KIRREL3: variants seen among roughly 807,000 people sequenced by gnomAD.
KIRREL3 encodes kin of IRRE-like protein 3.
A neutral mutation model predicts 89.7 loss-of-function variants in KIRREL3; 36 were observed. The observed-to-expected ratio is 0.40, with a 90% confidence interval of 0.31 to 0.53. The LOEUF (loss-of-function observed/expected upper bound fraction) is 0.53, where lower values mean the gene tolerates loss of function less well. KIRREL3 is among the 20% of genes least tolerant of loss of function. KIRREL3 has a pLI of 0.49. For missense variants in KIRREL3, 864 were observed against 1,056.6 expected (o/e 0.82, Z 2.53); for synonymous variants, 445 against 441.4 (o/e 1.01, Z -0.10).
intron 1 of KIRREL3, among the ~76,000 whole-genome samples, chr11:126,945,501 T>C (rs1948597015): frequency 6.6e-6 from 1 of 152,210 alleles, no homozygotes; most frequent in African/African-American, 2.4e-5. Flanking sequence ...CATTTAAATC[T>C]ATGCTTGCAA....
chr11:126,710,865 T>C lies in KIRREL3; in HGVS notation c.56-147953A>G, dbSNP rs1158306953. On this transcript the variant is annotated intron_variant, in intron 1 of 16. Coordinates refer to ENST00000525144, the MANE Select transcript of KIRREL3 (RefSeq NM_032531.4). The surrounding 1 kb of genome is among the most constrained non-coding windows in gnomAD (Gnocchi z 4.2). ...GTTGCTAAAACTCAGTAAATATCAT[T>C]TTAATAATTAATTAAACTTTAATTA... Among the ~76,000 whole-genome samples, 1 of 152,200 alleles carries C rather than the reference T, an allele frequency of 6.6e-6. No individual in the cohort carries two copies. Among genetic ancestry groups the C allele is most frequent in the East Asian group, 1.9e-4 (1 of 5,190 alleles).
chr11:126,473,042 C>T (rs1189658268), intron 5 of KIRREL3, among the ~76,000 whole-genome samples: 1 of 79,670 alleles, frequency 1.3e-5, no homozygotes, highest in Non-Finnish European at 2.3e-5. Context: ...TCTACCTAAC[C>T]CCCCCAGCCC....
rs1949013132 is a variant in KIRREL3 at position 126,742,395 on chromosome 11, C to T, written c.56-179483G>A. Among the ~76,000 whole-genome samples the T allele has an allele frequency of 6.6e-6, 1 of 152,110 alleles. No individual in the cohort carries two copies. The highest frequency in any genetic ancestry group is 6.5e-5 in the Admixed American group (1 of 15,276). The stretch of plus-strand genomic sequence containing the variant: ...CTTGTGGTTCTAATTTATTTTCATG[C>T]CTCAGTGAGCTGGACTGATAATATG... On this transcript the variant is annotated intron_variant, in intron 1 of 16. Coordinates refer to ENST00000525144, the MANE Select transcript of KIRREL3 (RefSeq NM_032531.4). The surrounding 1 kb of genome is among the most constrained non-coding windows in gnomAD (Gnocchi z 5.3).
intron 1 of KIRREL3, among the ~76,000 whole-genome samples, chr11:126,956,492 T>C (rs1288065683): frequency 2.6e-5 from 4 of 152,190 alleles, no homozygotes; most frequent in African/African-American, 9.6e-5. Context: ...AATTAGCAAC[T>C]GTGCTTACTG....
In KIRREL3 at chr11:126,736,913, G is replaced by C. The variant is rs1009680266; in HGVS notation, c.56-174001C>G. Among the ~76,000 whole-genome samples the C allele has an allele frequency of 6.6e-6, 1 of 152,200 alleles. No homozygotes were observed. The highest frequency in any genetic ancestry group is 1.5e-5 in the Non-Finnish European group (1 of 68,038). On this transcript the variant is annotated intron_variant, in intron 1 of 16. Coordinates refer to ENST00000525144, the MANE Select transcript of KIRREL3 (RefSeq NM_032531.4). The surrounding 1 kb of genome is among the most constrained non-coding windows in gnomAD (Gnocchi z 5.0). ...CCCCAGACTGGCTGTCACAAGCATGGTGTGGAAAGGTCCTACTTAGTTTTC... is the reference window on the plus strand; with the variant it reads ...CCCCAGACTGGCTGTCACAAGCATGCTGTGGAAAGGTCCTACTTAGTTTTC...
chr11:126,606,927 C>T lies in KIRREL3; in HGVS notation c.56-44015G>A, dbSNP rs1014243934. On this transcript the variant is annotated intron_variant, in intron 1 of 16. Transcript: ENST00000525144. This position sits in a 1 kb window ranked among gnomAD's most constrained non-coding sequence, Gnocchi z 4.6. ...GAGAAGCTCAGATGATGGGAAGGGG[C>T]GGGGGTGGCCAGGCAGTGCTTTCTA... is the stretch of plus-strand genomic sequence containing the variant. Among the ~76,000 whole-genome samples the T allele has an allele frequency of 1.3e-5, 2 of 148,864 alleles. No individual in the cohort carries two copies. The highest frequency in any genetic ancestry group is 6.7e-5 in the Admixed American group (1 of 14,826).
At position 126,644,829 on chromosome 11, in the gene KIRREL3, A is replaced by T. The variant is rs141580868; in HGVS notation, c.56-81917T>A. ...ATCTATGGAACAAATAATAATCTAT[A>T]GATGTACAAAGCTAGCAAATATTTT... On this transcript the variant is annotated intron_variant, in intron 1 of 16. Transcript: ENST00000525144. Among the ~76,000 whole-genome samples, 149 of 152,356 alleles carry T rather than the reference A, an allele frequency of 9.8e-4. 1 individual carries two copies. Among genetic ancestry groups the T allele is most frequent in the African/African-American group, 3.5e-3 (144 of 41,586 alleles).
At chr11:126,493,452 G>C (rs1256715831) in intron 4 of KIRREL3, among the ~76,000 whole-genome samples, 2 of 151,830 alleles carry the variant, frequency 1.3e-5, no homozygotes, top group African/African-American at 4.8e-5. Context: ...TCAGGAGATC[G>C]AGACCACCCT....
chr11:126,679,435 A>G (rs1946352505), intron 1 of KIRREL3, among the ~76,000 whole-genome samples: 1 of 152,214 alleles, frequency 6.6e-6, no homozygotes, highest in Non-Finnish European at 1.5e-5. Context: ...TTCATTTTGA[A>G]GCTTCAAAAC....
In KIRREL3 at chr11:126,795,175, A is replaced by C. The variant is rs796407301; in HGVS notation, c.55+205280T>G. ...TGTAATGGTGGATACATGTCATCAC[A>C]CATTTGGCCAAGCCCATAGAGTGTA... On this transcript the variant is annotated intron_variant, in intron 1 of 16. Coordinates refer to ENST00000525144, the MANE Select transcript of KIRREL3 (RefSeq NM_032531.4). The surrounding 1 kb of genome is among the most constrained non-coding windows in gnomAD (Gnocchi z 4.1). Among the ~76,000 whole-genome samples, 1 of 152,204 alleles carries C rather than the reference A, an allele frequency of 6.6e-6. No homozygotes were observed.
At position 126,615,128 on chromosome 11, in the gene KIRREL3, T is replaced by G. The variant is rs924105686; in HGVS notation, c.56-52216A>C. 1.3e-5 allele frequency among the ~76,000 whole-genome samples: 2 copies of G among 152,078 alleles called. No homozygotes were observed. The highest frequency in any genetic ancestry group is 2.9e-5 in the Non-Finnish European group (2 of 68,010). ...AGAGAGTCAGGGAAAGACATTTTGG[T>G]GCATTATGAGGAAGAATTGTAATGT... On this transcript the variant is annotated intron_variant, in intron 1 of 16. Coordinates refer to ENST00000525144, the MANE Select transcript of KIRREL3 (RefSeq NM_032531.4). This position sits in a 1 kb window ranked among gnomAD's most constrained non-coding sequence, Gnocchi z 5.4.
chr11:126,865,001 A>G (rs867676420), intron 1 of KIRREL3, among the ~76,000 whole-genome samples: 13 of 152,276 alleles, frequency 8.5e-5, no homozygotes, highest in Admixed American at 2.6e-4. Context: ...TCCTCCCTGC[A>G]AGCACCTGTG....
chr11:126,838,966 G>A (rs1464659425), intron 1 of KIRREL3, among the ~76,000 whole-genome samples: 1 of 152,156 alleles, frequency 6.6e-6, no homozygotes, highest in Non-Finnish European at 1.5e-5. Flanking sequence ...CAGTGCTGTG[G>A]CTGGAGAGAC....
intron 1 of KIRREL3, among the ~76,000 whole-genome samples, chr11:126,646,464 G>A (rs937029594): frequency 6.9e-6 from 1 of 145,172 alleles, no homozygotes; most frequent in African/African-American, 2.5e-5. Flanking sequence ...CTAAATTTGT[G>A]CCCCAAGTAT....
intron 1 of KIRREL3, among the ~76,000 whole-genome samples, chr11:126,721,966 A>T (rs926602017): frequency 1.3e-5 from 2 of 152,224 alleles, no homozygotes; most frequent in Non-Finnish European, 1.5e-5. Context: ...CTCTGGTCAG[A>T]AGCGAAGGGT....
chr11:126,474,379 T>C lies in KIRREL3; in HGVS notation c.434-913A>G, dbSNP rs907039994. On this transcript the variant is annotated intron_variant, in intron 4 of 16. Coordinates refer to ENST00000525144, the MANE Select transcript of KIRREL3 (RefSeq NM_032531.4). This position sits in a 1 kb window ranked among gnomAD's most constrained non-coding sequence, Gnocchi z 6.7. ...GCCGAGTTCCAGCAAGATTAGTGACTGGCTCAAGGTCACATGGTGGCAGAG... is the reference window on the plus strand; with the variant it reads ...GCCGAGTTCCAGCAAGATTAGTGACCGGCTCAAGGTCACATGGTGGCAGAG... Among the ~76,000 whole-genome samples the C allele has an allele frequency of 2.6e-5, 4 of 152,214 alleles. No homozygotes were observed. The highest frequency in any genetic ancestry group is 2.1e-4 in the South Asian group (1 of 4,820).
chr11:126,685,746 C>A lies in KIRREL3; in HGVS notation c.56-122834G>T, dbSNP rs868843516. 2.0e-5 allele frequency among the ~76,000 whole-genome samples: 3 copies of A among 152,208 alleles called. No homozygotes were observed. The highest frequency in any genetic ancestry group is 7.2e-5 in the African/African-American group (3 of 41,456). On this transcript the variant is annotated intron_variant, in intron 1 of 16. Coordinates refer to ENST00000525144, the MANE Select transcript of KIRREL3 (RefSeq NM_032531.4). The surrounding 1 kb of genome is among the most constrained non-coding windows in gnomAD (Gnocchi z 5.5). ...CTTGCCTATGACGGCAAATGTCTCC[C>A]CACCGTCGGCAGCATCTTGGCCATT...
chr11:126,606,423 T>C lies in KIRREL3; in HGVS notation c.56-43511A>G, dbSNP rs1288487255. ...CATGGAGCTGTGAGGAGTGAGCAGA[T>C]TATGACATGTACATCCTTTGGAACA... On this transcript the variant is annotated intron_variant, in intron 1 of 16. Transcript: ENST00000525144. The surrounding 1 kb of genome is among the most constrained non-coding windows in gnomAD (Gnocchi z 4.6). Among the ~76,000 whole-genome samples the C allele has an allele frequency of 6.6e-6, 1 of 152,126 alleles. No individual in the cohort carries two copies. Among genetic ancestry groups the C allele is most frequent in the Non-Finnish European group, 1.5e-5 (1 of 68,040 alleles).
In KIRREL3 at chr11:126,766,499, A is replaced by G. The variant is rs1010091284; in HGVS notation, c.56-203587T>C. 2.0e-5 allele frequency among the ~76,000 whole-genome samples: 3 copies of G among 152,128 alleles called. No homozygotes were observed. Among genetic ancestry groups the G allele is most frequent in the South Asian group, 2.1e-4 (1 of 4,822 alleles). On this transcript the variant is annotated intron_variant, in intron 1 of 16. Coordinates refer to ENST00000525144, the MANE Select transcript of KIRREL3 (RefSeq NM_032531.4). This position sits in a 1 kb window ranked among gnomAD's most constrained non-coding sequence, Gnocchi z 4.2. Reference sequence around the variant, plus strand: ...TATTCTATTAAAAAGGTAAGTGAGCACACAACCGCGTGTTGCTAACTCGGC... The same window carrying G: ...TATTCTATTAAAAAGGTAAGTGAGCGCACAACCGCGTGTTGCTAACTCGGC...
Sources: gnomAD v4.1 joint callset for allele counts (sites outside exome capture counted in the v4.1 genomes callset) on GRCh38, gnomAD v4.1.1 for gene constraint, Gnocchi (gnomAD v3.1) non-coding constraint, MANE v1.5 for transcripts, NCBI Gene and HGNC (gene_info 2026-07-23, HGNC 2026-07-21) for gene names.